Variants in FAM171B observed in about 807,000 individuals in gnomAD.
FAM171B encodes family with sequence similarity 171 member B.
Under a neutral mutation model 75.6 loss-of-function variants are expected in FAM171B, and 19 were observed. The ratio of observed to expected loss-of-function variants is 0.25; its 90% CI spans 0.18 to 0.37. The LOEUF (loss-of-function observed/expected upper bound fraction) is 0.37, where lower values mean the gene tolerates loss of function less well. Among genes scored for constraint, FAM171B ranks in the 10% least tolerant of loss-of-function variants. The pLI, the probability that FAM171B is intolerant of heterozygous loss-of-function variation, is 1.00. For missense variants in FAM171B, 848 were observed against 982.4 expected, an observed-to-expected ratio of 0.86 and a Z score of 1.83; for synonymous variants, 367 against 361.7, an observed-to-expected ratio of 1.01 and a Z score of -0.17.
chr2:186,722,629 T>A, intron 1 of FAM171B, among the ~76,000 whole-genome samples: 1 of 152,170 alleles, frequency 6.6e-6, no homozygotes, highest in East Asian at 1.9e-4. Flanking sequence ...AGAAAACTTC[T>A]CTGCTGCAGG....
intron 1 of FAM171B, among the ~76,000 whole-genome samples, chr2:186,720,014 T>C (rs546344603): frequency 2.0e-5 from 3 of 152,334 alleles, no homozygotes; most frequent in South Asian, 4.1e-4. Flanking sequence ...TGCAGTATAA[T>C]CTTAACTGAA....
chr2:186,764,272 C>T lies in FAM171B; in HGVS notation c.*1449C>T, dbSNP rs982575654. On this transcript the variant is annotated 3_prime_UTR_variant, in exon 8 of 8. Transcript: ENST00000304698. ...AAACCATGTAAACAAGTTCAGTGAA[C>T]CAAAACAGCCACATTAGCTTCAGTA... 4 of 152,062 alleles carry T rather than the reference C, an allele frequency of 2.6e-5. No individual in the cohort carries two copies. The highest frequency in any genetic ancestry group is 9.6e-5 in the African/African-American group (4 of 41,532). 9.4% of individuals were successfully genotyped at this position (152,062 alleles called of 1,614,324 possible). A position where few individuals can be genotyped will look rare whatever the true frequency, so the allele number is the denominator to read the frequency against.
At chr2:186,707,850 A>G (rs1357743471) in intron 1 of FAM171B, among the ~76,000 whole-genome samples, 1 of 151,914 alleles carries the variant, frequency 6.6e-6, no homozygotes, top group Non-Finnish European at 1.5e-5. Flanking sequence ...TTAAAAAAAA[A>G]AAAAGGTTTT....
At chr2:186,696,814 C>T (rs1689588166) in intron 1 of FAM171B, among the ~76,000 whole-genome samples, 2 of 152,088 alleles carry the variant, frequency 1.3e-5, no homozygotes, top group African/African-American at 4.8e-5. Flanking sequence ...ATCCTTTTTG[C>T]TCTTACCCAG....
At chr2:186,726,981 G>A (rs1370526453) in intron 1 of FAM171B, among the ~76,000 whole-genome samples, 1 of 152,072 alleles carries the variant, frequency 6.6e-6, no homozygotes, top group Admixed American at 6.6e-5. Context: ...CTTTTATCAG[G>A]TGCTTGGCCA....
At chr2:186,700,245 T>A (rs1284255019) in intron 1 of FAM171B, among the ~76,000 whole-genome samples, 1 of 152,092 alleles carries the variant, frequency 6.6e-6, no homozygotes, top group Non-Finnish European at 1.5e-5. Context: ...TTTGTTTTTT[T>A]TTTCTTAATA....
At chr2:186,735,018 G>A (rs1439392396) in intron 1 of FAM171B, among the ~76,000 whole-genome samples, 2 of 152,228 alleles carry the variant, frequency 1.3e-5, no homozygotes, top group Non-Finnish European at 2.9e-5. Context: ...AGAGCAGAGG[G>A]ATGCTGGGGT....
intron 1 of FAM171B, among the ~76,000 whole-genome samples, chr2:186,719,474 T>C (rs1689920300): frequency 6.6e-6 from 1 of 152,212 alleles, no homozygotes. Flanking sequence ...CTGTTGTTGC[T>C]CTCTATCAGG....
chr2:186,720,699 A>AC (rs1359462673), intron 1 of FAM171B, among the ~76,000 whole-genome samples: 1 of 43,470 alleles, frequency 2.3e-5, no homozygotes, highest in Non-Finnish European at 4.8e-5. Context: ...TAGATCATGT[A>AC]CAAAAAAAAA....
In FAM171B at chr2:186,762,155, A is replaced by C; in HGVS notation, c.1813A>C (p.Ile605Leu). Residue 605 changes from isoleucine (I) to leucine (L), a missense_variant, in exon 8 of 8, where the codon ATC (isoleucine) becomes CTC (leucine). Physicochemically the swap from Ile to Leu is conservative, Grantham distance 5 (BLOSUM62 2). Coordinates refer to ENST00000304698, the MANE Select transcript of FAM171B (RefSeq NM_177454.4). This position sits in a 1 kb window ranked among gnomAD's most constrained non-coding sequence, Gnocchi z 4.0. Reference sequence around the variant, plus strand: ...GCCCCCAGATGCCAGGGAAGAGGATATCATACTTGAAGGTCAACAGAGCCT... The same window carrying C: ...GCCCCCAGATGCCAGGGAAGAGGATCTCATACTTGAAGGTCAACAGAGCCT... ...AQPPDAREED[I>L]ILEGQQSLPS... The C allele has an allele frequency of 6.2e-7, 1 of 1,613,664 alleles. No individual in the cohort carries two copies. The highest frequency in any genetic ancestry group is 8.5e-7 in the Non-Finnish European group (1 of 1,179,758).
chr2:186,694,335 A>ACAG lies in FAM171B; in HGVS notation c.165_167dup (p.Gln56dup), dbSNP rs2105767303. ...AGCAGCAGCAGCAACAACAACAACA[A>ACAG]CAGCAAAAGCAGCTGGAGGAGGCTG... On this transcript the variant is annotated inframe_insertion, in exon 1 of 8. Coordinates refer to ENST00000304698, the MANE Select transcript of FAM171B (RefSeq NM_177454.4). 6 of 1,612,538 alleles carry ACAG rather than the reference A, an allele frequency of 3.7e-6. No individual in the cohort carries two copies. The South Asian group carries it at 4.4e-5, about 12-fold the overall frequency.
chr2:186,758,980 C>G (rs1690575475), intron 6 of FAM171B, among the ~76,000 whole-genome samples: 1 of 151,852 alleles, frequency 6.6e-6, no homozygotes, highest in African/African-American at 2.4e-5. Flanking sequence ...CTCTGGTAAA[C>G]CATCATTCTA....
chr2:186,741,087 C>T (rs1048136415), intron 2 of FAM171B, among the ~76,000 whole-genome samples: 8 of 151,904 alleles, frequency 5.3e-5, no homozygotes, highest in African/African-American at 9.7e-5. Context: ...TATTATGGTA[C>T]AAATTGGACA....
At chr2:186,736,312 T>C (rs1212313270) in intron 1 of FAM171B, among the ~76,000 whole-genome samples, 1 of 152,218 alleles carries the variant, frequency 6.6e-6, no homozygotes, top group Non-Finnish European at 1.5e-5. Flanking sequence ...CTCCATTTAC[T>C]GAGGGTTAGC....
At chr2:186,739,331 GTTAACC>G (rs1352169689) in intron 1 of FAM171B, among the ~76,000 whole-genome samples, 2 of 152,024 alleles carry the variant, frequency 1.3e-5, no homozygotes, top group Non-Finnish European at 1.5e-5. Context: ...TCTTCAATAA[GTTAACC>G]TTAGCTTACT....
chr2:186,760,145 A>G (rs1349396527), intron 6 of FAM171B, among the ~76,000 whole-genome samples: 1 of 152,048 alleles, frequency 6.6e-6, no homozygotes, highest in Non-Finnish European at 1.5e-5. Flanking sequence ...ATTGGTCTAT[A>G]TGTATGTTTT....
chr2:186,697,457 G>T (rs1689599720), intron 1 of FAM171B, among the ~76,000 whole-genome samples: 1 of 151,930 alleles, frequency 6.6e-6, no homozygotes, highest in Non-Finnish European at 1.5e-5. Context: ...TTGTTGCTCA[G>T]GCTAGCCTCA....
chr2:186,741,550 G>GAAAT (rs1246948049), intron 2 of FAM171B, among the ~76,000 whole-genome samples: 1 of 151,978 alleles, frequency 6.6e-6, no homozygotes, highest in Non-Finnish European at 1.5e-5. Flanking sequence ...TTCAAAACAG[G>GAAAT]AAATACAAAT....
chr2:186,721,477 T>C lies in FAM171B; in HGVS notation c.239-18751T>C, dbSNP rs1376773145. ...GAAAATAAACGTGTATTTAGAATAC[T>C]AAATGTTTTTTTCAAAGAAAACACG... On this transcript the variant is annotated intron_variant, in intron 1 of 7. Coordinates refer to ENST00000304698, the MANE Select transcript of FAM171B (RefSeq NM_177454.4). 1.3e-5 allele frequency among the ~76,000 whole-genome samples: 2 copies of C among 152,060 alleles called. 1 individual carries two copies. Among genetic ancestry groups the C allele is most frequent in the Middle Eastern group, 6.3e-3 (2 of 316 alleles).
Sources: gnomAD v4.1 joint callset for allele counts (sites outside exome capture counted in the v4.1 genomes callset) on GRCh38, gnomAD v4.1.1 for gene constraint, Gnocchi (gnomAD v3.1) non-coding constraint, MANE v1.5 for transcripts, NCBI Gene and HGNC (gene_info 2026-07-23, HGNC 2026-07-21) for gene names.